Variants in KLF8 observed in about 807,000 individuals in gnomAD.
KLF8 encodes the protein Krueppel-like factor 8.
Under a neutral mutation model 18.2 loss-of-function variants are expected in KLF8, and 10 were observed. That is an observed-to-expected ratio of 0.55 (90% CI 0.34 to 0.93). KLF8 has a LOEUF of 0.93. Among genes scored for constraint, KLF8 ranks in the 40% least tolerant of loss-of-function variants. The pLI is 0.02. For synonymous variants in KLF8, 109 were observed against 97.3 expected (o/e 1.12, Z -0.71); for missense variants, 264 against 277.9 (o/e 0.95, Z 0.36).
the KLF8 span, among the ~76,000 whole-genome samples, chrX:56,195,993 GT>G: frequency 9.0e-6 from 1 of 111,348 alleles, no homozygotes; most frequent in South Asian, 3.8e-4. Flanking sequence ...AGCTTCATAA[GT>G]GAAGGAGAAA....
the KLF8 span, among the ~76,000 whole-genome samples, chrX:56,025,257 GCGTTTTCGAA>G: frequency 1.8e-5 from 2 of 112,450 alleles, no homozygotes; most frequent in Admixed American, 9.4e-5. Flanking sequence ...GCTCTAGAGA[GCGTTTTCGAA>G]CCTCTCCTTT....
At chrX:56,135,144 G>A in the KLF8 span, among the ~76,000 whole-genome samples, 3 of 111,146 alleles carry the variant, frequency 2.7e-5, no homozygotes, top group East Asian at 5.6e-4. Flanking sequence ...TCAGTGAGGT[G>A]ATTCCTCCGG....
At chrX:56,037,076 ATATAAGAT>A in the KLF8 span, among the ~76,000 whole-genome samples, 5 of 107,665 alleles carry the variant, frequency 4.6e-5, no homozygotes, top group African/African-American at 1.7e-4. Flanking sequence ...TTTTTTGTGT[ATATAAGAT>A]CATGCCATTT....
At chrX:56,045,274 G>A in the KLF8 span, among the ~76,000 whole-genome samples, 2 of 111,952 alleles carry the variant, frequency 1.8e-5, no homozygotes, top group Non-Finnish European at 3.8e-5. Flanking sequence ...ATTTTTACCA[G>A]TACCATGCTG....
the KLF8 span, among the ~76,000 whole-genome samples, chrX:56,037,988 A>G: frequency 1.8e-5 from 2 of 111,262 alleles, no homozygotes; most frequent in Non-Finnish European, 3.8e-5. Flanking sequence ...TCACTATCCA[A>G]CCCAGCCTCT....
At chrX:55,965,613 T>C in the KLF8 span, among the ~76,000 whole-genome samples, 1 of 112,207 alleles carries the variant, frequency 8.9e-6, no homozygotes, top group Admixed American at 9.4e-5. Context: ...TCACAGATGA[T>C]ATAATTCTAT....
At chrX:56,178,416 T>C in the KLF8 span, among the ~76,000 whole-genome samples, 89 of 112,271 alleles carry the variant, frequency 7.9e-4, no homozygotes, top group African/African-American at 2.5e-3. Context: ...GCAAAAACTT[T>C]CTCCCATCCT....
chrX:56,202,003 T>C, the KLF8 span, among the ~76,000 whole-genome samples: 7 of 111,284 alleles, frequency 6.3e-5, no homozygotes, highest in Non-Finnish European at 1.3e-4. Flanking sequence ...CTCTTGGGAT[T>C]CGGGAAGTAT....
the KLF8 span, among the ~76,000 whole-genome samples, chrX:56,030,082 C>G: frequency 8.9e-6 from 1 of 112,529 alleles, no homozygotes; most frequent in Non-Finnish European, 1.9e-5. Flanking sequence ...AAGGAATGTA[C>G]ATATGATAGG....
chrX:56,259,235 G>A (rs1280922057), intron 2 of KLF8, among the ~76,000 whole-genome samples: 2 of 109,885 alleles, frequency 1.8e-5, no homozygotes, highest in Non-Finnish European at 3.8e-5. Flanking sequence ...ACTATTGTAA[G>A]TTGCATCAAG....
the KLF8 span, among the ~76,000 whole-genome samples, chrX:55,939,841 C>A: frequency 2.7e-5 from 3 of 111,931 alleles, no homozygotes; most frequent in Non-Finnish European, 3.8e-5. Flanking sequence ...AGTTGAATCT[C>A]TGAATAGACC....
chrX:56,255,323 G>T (rs906004593), intron 2 of KLF8, among the ~76,000 whole-genome samples: 3 of 112,328 alleles, frequency 2.7e-5, no homozygotes, highest in Non-Finnish European at 3.8e-5. Flanking sequence ...GAGTTTTTAG[G>T]TTTTTCCAAA....
the KLF8 span, among the ~76,000 whole-genome samples, chrX:56,209,136 C>T: frequency 9.0e-6 from 1 of 111,425 alleles, no homozygotes; most frequent in African/African-American, 3.3e-5. Context: ...TGTTTGCTGT[C>T]GTGTTGGGTG....
chrX:56,241,639 A>G (rs2066545838), intron 1 of KLF8, among the ~76,000 whole-genome samples: 1 of 111,980 alleles, frequency 8.9e-6, no homozygotes, highest in African/African-American at 3.2e-5. Context: ...ATAGAATGTT[A>G]TAAACTGGAA....
the KLF8 span, among the ~76,000 whole-genome samples, chrX:55,910,475 T>C: frequency 9.0e-6 from 1 of 111,396 alleles, no homozygotes; most frequent in Non-Finnish European, 1.9e-5. Context: ...TGAGAATACC[T>C]GAGGGAAAGG....
the KLF8 span, among the ~76,000 whole-genome samples, chrX:56,068,281 C>T: frequency 3.6e-5 from 4 of 111,384 alleles, no homozygotes; most frequent in Admixed American, 9.5e-5. Flanking sequence ...CCCCACCTGC[C>T]CTGCCACTGG....
the KLF8 span, among the ~76,000 whole-genome samples, chrX:56,037,215 C>A: frequency 2.7e-5 from 3 of 111,694 alleles, no homozygotes; most frequent in Non-Finnish European, 5.7e-5. Flanking sequence ...TGAGAATGGG[C>A]ATCCTTGATT....
In KLF8 at chrX:56,241,284, GC is replaced by G. The variant is rs1456738390; in HGVS notation, c.7+7945del. Among the ~76,000 whole-genome samples the G allele has an allele frequency of 3.6e-5, 4 of 111,546 alleles. No individual in the cohort carries two copies. The East Asian group carries it at 1.1e-3, about 31-fold the overall frequency. On this transcript the variant is annotated intron_variant, in intron 1 of 5. Transcript: ENST00000468660. ...CTGAGTTAAAGTGACTCGTGCCTCA[GC>G]CTACCAAGTGGCTGGGACTACAGGC...
chrX:56,068,314 T>G, the KLF8 span, among the ~76,000 whole-genome samples: 1 of 110,374 alleles, frequency 9.1e-6, no homozygotes, highest in South Asian at 3.9e-4. Flanking sequence ...CAACACCTGT[T>G]AGAGCTTCTG....
Sources: gnomAD v4.1 joint callset for allele counts (sites outside exome capture counted in the v4.1 genomes callset) on GRCh38, gnomAD v4.1.1 for gene constraint, MANE v1.5 for transcripts, NCBI Gene and HGNC (gene_info 2026-07-23, HGNC 2026-07-21) for gene names.